CPNE4: variants seen among roughly 807,000 people sequenced by gnomAD.
CPNE4 encodes the protein copine-4.
A neutral mutation model predicts 67.9 loss-of-function variants in CPNE4; 25 were observed. The ratio of observed to expected loss-of-function variants is 0.37; its 90% CI spans 0.27 to 0.51. The LOEUF is 0.51. Ranked by LOEUF, CPNE4 falls within the 20% of genes least tolerant of loss-of-function variation. The pLI, the probability that CPNE4 is intolerant of heterozygous loss-of-function variation, is 0.93. For missense variants in CPNE4, 464 were observed against 690.8 expected (o/e 0.67, Z 3.68); for synonymous variants, 242 against 244.9 (o/e 0.99, Z 0.11).
intron 1 of CPNE4, among the ~76,000 whole-genome samples, chr3:131,976,831 T>C (rs1284839596): frequency 3.3e-5 from 5 of 151,734 alleles, no homozygotes; most frequent in Admixed American, 3.3e-4. Flanking sequence ...AGACAGAGTC[T>C]CACCGTGTCA....
At chr3:131,885,793 T>C (rs570745724) in intron 2 of CPNE4, among the ~76,000 whole-genome samples, 1 of 152,254 alleles carries the variant, frequency 6.6e-6, no homozygotes, top group South Asian at 2.1e-4. Context: ...ATGCGGTGTT[T>C]GGTTTTTTGT....
At chr3:131,569,506 C>T (rs1937221352) in intron 10 of CPNE4, among the ~76,000 whole-genome samples, 1 of 151,630 alleles carries the variant, frequency 6.6e-6, no homozygotes, top group African/African-American at 2.4e-5. Context: ...AGTGTGGTAG[C>T]ATATGGTTGT....
chr3:131,965,287 C>T (rs576488170), intron 1 of CPNE4, among the ~76,000 whole-genome samples: 35 of 152,326 alleles, frequency 2.3e-4, no homozygotes, highest in African/African-American at 8.4e-4. Flanking sequence ...AATATAAAGA[C>T]CAACAACACT....
At chr3:131,843,097 C>G (rs373208625) in intron 2 of CPNE4, among the ~76,000 whole-genome samples, 1 of 152,122 alleles carries the variant, frequency 6.6e-6, no homozygotes, top group South Asian at 2.1e-4. Context: ...TAAAACCCAA[C>G]GATTTTCATC....
At position 131,816,386 on chromosome 3, in the gene CPNE4, C is replaced by A. The variant is rs186131421; in HGVS notation, c.180+88878G>T. ...GTGTTTTCTCCCATCAGAGACTTGC[C>A]TGACTCATTTTGAAAAGTTTAAAAT... is the stretch of plus-strand genomic sequence containing the variant. On this transcript the variant is annotated intron_variant, in intron 2 of 15. Coordinates refer to ENST00000429747, the MANE Select transcript of CPNE4 (RefSeq NM_130808.3). 2.8e-4 allele frequency among the ~76,000 whole-genome samples: 42 copies of A among 152,160 alleles called. No homozygotes were observed. In the East Asian group the frequency reaches 7.9e-3, roughly 29 times the overall value.
At position 131,549,983 on chromosome 3, in the gene CPNE4, C is replaced by A. The variant is rs1306096898; in HGVS notation, c.1266G>T (p.Lys422Asn). Residue 422 changes from lysine to asparagine, a missense_variant, in exon 14 of 16, where the codon AAG (lysine) becomes AAT (asparagine). By Grantham distance (94) the Lys-to-Asn change is moderately conservative (BLOSUM62 0). Around this residue, in one of 6 missense-constraint regions of CPNE4, gnomAD observed 201 missense variants for 357.7 expected, o/e 0.56. Coordinates refer to ENST00000429747, the MANE Select transcript of CPNE4 (RefSeq NM_130808.3). ...NIAPIIQKVA[K>N]SASEETNTKE... ...TGGTGTTAGTTTCCTCTGACGCTGA[C>A]TTGGCAACCTTCTGGATGATGGGGG... 2 of 1,613,234 alleles carry A rather than the reference C, an allele frequency of 1.2e-6. No individual in the cohort carries two copies. Among genetic ancestry groups the A allele is most frequent in the Admixed American group, 1.7e-5 (1 of 59,954 alleles).
chr3:131,770,183 G>A (rs548616820), intron 2 of CPNE4, among the ~76,000 whole-genome samples: 104 of 152,220 alleles, frequency 6.8e-4, no homozygotes, highest in African/African-American at 2.3e-3. Context: ...CTATTTTTGC[G>A]TTAGTGTATT....
chr3:131,795,624 G>A (rs975375110), intron 2 of CPNE4, among the ~76,000 whole-genome samples: 3 of 152,124 alleles, frequency 2.0e-5, no homozygotes. Flanking sequence ...CTATGAAGTG[G>A]TTCTGGCCAG....
chr3:131,983,744 C>T (rs2072968537), intron 1 of CPNE4, among the ~76,000 whole-genome samples: 1 of 152,130 alleles, frequency 6.6e-6, no homozygotes, highest in Non-Finnish European at 1.5e-5. Context: ...CAAAGAAATA[C>T]TCCAAGATGT....
At chr3:131,955,416 T>TTTTTTTTTTTTTTC (rs2071925834) in intron 1 of CPNE4, among the ~76,000 whole-genome samples, 1 of 124,372 alleles carries the variant, frequency 8.0e-6, no homozygotes, top group Non-Finnish European at 1.6e-5. Context: ...TAAGGTTTTT[T>TTTTTTTTTTTTTTC]TTTTTTTTTT....
At chr3:132,006,084 C>G (rs913308983) in intron 1 of CPNE4, among the ~76,000 whole-genome samples, 3 of 152,256 alleles carry the variant, frequency 2.0e-5, no homozygotes, top group Admixed American at 2.0e-4. Context: ...TAATCACTCA[C>G]TGATCTCAAC....
At chr3:131,708,326 G>A (rs2081464778) in intron 3 of CPNE4, among the ~76,000 whole-genome samples, 1 of 152,134 alleles carries the variant, frequency 6.6e-6, no homozygotes, top group South Asian at 2.1e-4. Context: ...GAGGGCAAGA[G>A]GAGATGAAGA....
chr3:131,560,789 T>C (rs1170645471), intron 11 of CPNE4, among the ~76,000 whole-genome samples: 1 of 152,010 alleles, frequency 6.6e-6, no homozygotes, highest in Admixed American at 6.6e-5. Context: ...CCTGGATACC[T>C]AGCAGGATAA....
intron 2 of CPNE4, among the ~76,000 whole-genome samples, chr3:131,882,247 CATATT>C (rs2087702833): frequency 6.6e-6 from 1 of 151,830 alleles, no homozygotes; most frequent in Admixed American, 6.6e-5. Context: ...TTATATGTGT[CATATT>C]ATATTATGTA....
At chr3:131,867,059 G>C (rs1560500914) in intron 2 of CPNE4, among the ~76,000 whole-genome samples, 2 of 152,254 alleles carry the variant, frequency 1.3e-5, no homozygotes, top group Non-Finnish European at 2.9e-5. Context: ...CTAGTGAGCA[G>C]CAGTCCTTAG....
intron 1 of CPNE4, among the ~76,000 whole-genome samples, chr3:131,932,413 A>G (rs2071090038): frequency 6.6e-6 from 1 of 152,106 alleles, no homozygotes; most frequent in Non-Finnish European, 1.5e-5. Flanking sequence ...GTTCCGTGCT[A>G]GGTACTCATG....
chr3:131,894,099 A>G (rs2088225404), intron 2 of CPNE4, among the ~76,000 whole-genome samples: 1 of 151,970 alleles, frequency 6.6e-6, no homozygotes. Flanking sequence ...CACGACAACA[A>G]ATTTGATAAC....
At chr3:131,736,179 C>T (rs1173549858) in intron 2 of CPNE4, among the ~76,000 whole-genome samples, 1 of 151,976 alleles carries the variant, frequency 6.6e-6, no homozygotes, top group Admixed American at 6.6e-5. Context: ...TAACTTAATA[C>T]CTGGACTTGT....
At chr3:131,986,155 A>G (rs892178421) in intron 1 of CPNE4, among the ~76,000 whole-genome samples, 5 of 147,782 alleles carry the variant, frequency 3.4e-5, no homozygotes, top group African/African-American at 1.2e-4. Context: ...AACCAGATTA[A>G]GCCCTTCTCC....
Sources: allele counts gnomAD v4.1 joint callset (sites outside exome capture counted in the v4.1 genomes callset), GRCh38; gene constraint gnomAD v4.1.1; regional missense constraint gnomAD v4.1.1; transcripts MANE v1.5; gene names NCBI Gene and HGNC (gene_info 2026-07-23, HGNC 2026-07-21).